ENTPD6: variants seen among roughly 807,000 people sequenced by gnomAD.
ENTPD6 encodes CD39 antigen-like 2.
In ENTPD6, 46 loss-of-function variants were observed where a neutral mutation model predicts 61.5. That is an observed-to-expected ratio of 0.75 (90% CI 0.59 to 0.96). ENTPD6 has a LOEUF of 0.96. ENTPD6 is among the 40% of genes least tolerant of loss of function. The pLI, the probability that ENTPD6 is intolerant of heterozygous loss-of-function variation, is 0.00. For synonymous variants in ENTPD6, 252 were observed against 255.5 expected, an observed-to-expected ratio of 0.99 and a Z score of 0.13; for missense variants, 612 against 629.0, an observed-to-expected ratio of 0.97 and a Z score of 0.29.
intron 3 of ENTPD6, among the ~76,000 whole-genome samples, chr20:25,209,487 A>G (rs996031192): frequency 6.6e-6 from 1 of 151,934 alleles, no homozygotes; most frequent in Admixed American, 6.5e-5. Context: ...GGAGGCTGAG[A>G]TGGGAGGATT....
At position 25,206,541 on chromosome 20, in the gene ENTPD6, A is replaced by G. The variant is rs144010588; in HGVS notation, c.5A>G (p.Lys2Arg). The change falls in exon 2 of 15, where the codon AAA (lysine) becomes AGA (arginine). Residue 2 changes from lysine to arginine, a missense_variant. By Grantham distance (26) the Lys-to-Arg change is conservative. Coordinates refer to ENST00000376652, the MANE Select transcript of ENTPD6 (RefSeq NM_001247.5). ...TGGCAGGAATGGGCTATGTGAATGA[A>G]AAAAGGTATCCGTTATGAAACTTCC... MKKGIRYETSRK... is the reference protein window; with the variant it reads MRKGIRYETSRK... 9 of 1,613,678 alleles carry G rather than the reference A, an allele frequency of 5.6e-6. No homozygotes were observed. The African/African-American group carries it at 1.2e-4, about 22-fold the overall frequency.
At chr20:25,209,745 G>T (rs2091819934) in intron 3 of ENTPD6, 104 bp from the exon 4 acceptor site, 1 of 954,602 alleles carries the variant, frequency 1.0e-6, no homozygotes, top group Non-Finnish European at 1.7e-6. Flanking sequence ...TTGGGGATTG[G>T]TCTGTGTTAG....
chr20:25,207,350 G>A lies in ENTPD6; in HGVS notation c.329G>A (p.Ser110Asn), dbSNP rs1385553635. Residue 110 changes from serine to asparagine, a missense_variant, in exon 3 of 15, where the codon AGC becomes AAC. Transcript: ENST00000376652. ...TACGGGATCATGTTTGATGCAGGAA[G>A]CACTGGCACCCGAGTACACGTCTTC... ...VFYGIMFDAG[S>N]TGTRVHVFQF... is the part of the protein sequence containing the mutation. The A allele has an allele frequency of 6.4e-7, 1 of 1,568,274 alleles. No individual in the cohort carries two copies. Among genetic ancestry groups the A allele is most frequent in the Non-Finnish European group, 8.7e-7 (1 of 1,151,572 alleles).
intron 9 of ENTPD6, among the ~76,000 whole-genome samples, chr20:25,218,151 A>G (rs1257746435): frequency 6.6e-6 from 1 of 152,034 alleles, no homozygotes; most frequent in Non-Finnish European, 1.5e-5. Context: ...ACATTCCTCC[A>G]TGTGTGCTTA....
chr20:25,198,722 T>C (rs192362307), intron 1 of ENTPD6, among the ~76,000 whole-genome samples: 1 of 137,818 alleles, frequency 7.3e-6, no homozygotes, highest in East Asian at 3.1e-4. Flanking sequence ...GGAACGGACA[T>C]TCCTAGTGCC....
chr20:25,215,760 G>A (rs755457841), intron 7 of ENTPD6, 49 bp downstream of exon 7: 3 of 1,595,860 alleles, frequency 1.9e-6, no homozygotes, highest in Non-Finnish European at 2.6e-6. Flanking sequence ...GACACCTGCG[G>A]AGGGCTCGAC....
At chr20:25,195,967 G>C (rs939239455) in intron 1 of ENTPD6, 100 bp downstream of exon 1, 2 of 1,019,514 alleles carry the variant, frequency 2.0e-6, no homozygotes, top group Non-Finnish European at 2.5e-6. Context: ...GGACGGCCTC[G>C]GGGTCACTCG....
At chr20:25,198,002 G>C (rs888320451) in intron 1 of ENTPD6, among the ~76,000 whole-genome samples, 2 of 152,274 alleles carry the variant, frequency 1.3e-5, no homozygotes, top group African/African-American at 2.4e-5. Context: ...TGCTGTCTTA[G>C]GGAAACCCAG....
At chr20:25,215,233 A>AC (rs953143664) in intron 6 of ENTPD6, among the ~76,000 whole-genome samples, 1 of 152,224 alleles carries the variant, frequency 6.6e-6, no homozygotes, top group Non-Finnish European at 1.5e-5. Context: ...AGTTTTAAGA[A>AC]CATTTGGAGA....
At position 25,217,580 on chromosome 20, in the gene ENTPD6, A is replaced by G. The variant is rs770407205; in HGVS notation, c.877A>G (p.Ser293Gly). The G allele has an allele frequency of 3.7e-6, 6 of 1,613,914 alleles. No individual in the cohort carries two copies. Among genetic ancestry groups the G allele is most frequent in the African/African-American group, 1.3e-5 (1 of 74,906 alleles). The change falls in exon 9 of 15, where the codon AGC becomes GGC. Residue 293 changes from serine to glycine, a missense_variant and splice_region_variant. Coordinates refer to ENST00000376652, the MANE Select transcript of ENTPD6 (RefSeq NM_001247.5). The part of the protein sequence containing the change: ...FNRTYKLYSY[S>G]YLGLGLMSAR... ...CAGGACCTACAAGCTCTATTCCTACAGGTCTGCTTTCGGGAACAGGCGTGG... is the reference window on the plus strand; with the variant it reads ...CAGGACCTACAAGCTCTATTCCTACGGGTCTGCTTTCGGGAACAGGCGTGG...
chr20:25,209,847 A>G lies in ENTPD6; in HGVS notation c.377-2A>G. On this transcript the variant is annotated splice_acceptor_variant, in intron 3 of 14. Transcript: ENST00000376652. LOFTEE classifies it high-confidence loss of function. ...ACCCTTTTCAACATGTTTTCCCCTT[A>G]GAAACTCCCACGTTAACCCACGAAA... 4.3e-6 allele frequency: 7 copies of G among 1,613,344 alleles called. No individual in the cohort carries two copies. Among genetic ancestry groups the G allele is most frequent in the Non-Finnish European group, 5.9e-6 (7 of 1,179,248 alleles).
In ENTPD6 at chr20:25,226,198, T is replaced by TG. The variant is rs2092790798; in HGVS notation, c.*602dup. 6.5e-6 allele frequency: 1 copy of TG among 152,728 alleles called. No homozygotes were observed. The highest frequency in any genetic ancestry group is 6.5e-5 in the Admixed American group (1 of 15,284). The allele number at this position is 152,728 out of a possible 1,614,324, so 9.5% of individuals were successfully genotyped here. A position where few individuals can be genotyped will look rare whatever the true frequency, so the allele number is the denominator to read the frequency against. On this transcript the variant is annotated 3_prime_UTR_variant, in exon 15 of 15. Coordinates refer to ENST00000376652, the MANE Select transcript of ENTPD6 (RefSeq NM_001247.5). ...CCAGAGGCCTGCTCTCCTCACACAT[T>TG]GTGTGGTTTGGGGTTAATGATGGAG...
chr20:25,197,536 C>T (rs2090584253), intron 1 of ENTPD6, among the ~76,000 whole-genome samples: 1 of 152,238 alleles, frequency 6.6e-6, no homozygotes, highest in Admixed American at 6.5e-5. Context: ...CACATTCACG[C>T]TGTGGTGTTA....
chr20:25,203,952 AGTTTCCTCTG>A (rs1309602059), intron 1 of ENTPD6, among the ~76,000 whole-genome samples: 2 of 152,196 alleles, frequency 1.3e-5, no homozygotes, highest in East Asian at 3.8e-4. Context: ...TGAAGGCCAA[AGTTTCCTCTG>A]GTTTCTTCTG....
intron 3 of ENTPD6, 59 bp downstream of exon 3, chr20:25,207,456 C>G: frequency 7.0e-7 from 1 of 1,437,574 alleles, no homozygotes; most frequent in African/African-American, 1.4e-5. Context: ...CAGTGTTGGC[C>G]GGGTCCCCTG....
chr20:25,218,277 G>A (rs1327270537), intron 9 of ENTPD6, among the ~76,000 whole-genome samples: 1 of 152,204 alleles, frequency 6.6e-6, no homozygotes, highest in Non-Finnish European at 1.5e-5. Context: ...TATAAAGCAG[G>A]AGCATCCCAG....
At chr20:25,215,638 C>G (rs766105410) in intron 6 of ENTPD6, 38 bp from the exon 7 acceptor site, 23 of 1,611,786 alleles carry the variant, frequency 1.4e-5, no homozygotes, top group Non-Finnish European at 1.9e-5. Context: ...TTCAGCATCT[C>G]AAGTGATTAA....
At chr20:25,196,911 C>G (rs1413420412) in intron 1 of ENTPD6, among the ~76,000 whole-genome samples, 2 of 152,098 alleles carry the variant, frequency 1.3e-5, no homozygotes, top group African/African-American at 4.8e-5. Flanking sequence ...GGGTAAAGGA[C>G]CAGGGAGGTG....
intron 1 of ENTPD6, among the ~76,000 whole-genome samples, chr20:25,204,100 A>G (rs2091269729): frequency 6.6e-6 from 1 of 152,188 alleles, no homozygotes; most frequent in Non-Finnish European, 1.5e-5. Flanking sequence ...CAAGAAATGC[A>G]TTTGGAGTAA....
Sources: allele counts gnomAD v4.1 joint callset (sites outside exome capture counted in the v4.1 genomes callset), GRCh38; gene constraint gnomAD v4.1.1; transcripts MANE v1.5; gene names NCBI Gene and HGNC (gene_info 2026-07-23, HGNC 2026-07-21).